The following VSTM4 variants were observed in gnomAD, a reference collection of about 807,000 sequenced individuals.
VSTM4 encodes the protein V-set and transmembrane domain-containing protein 4.
VSTM4 carries 20 observed loss-of-function variants against 36.4 expected under a neutral mutation model. That is an observed-to-expected ratio of 0.55 (90% CI 0.39 to 0.80). VSTM4 has a LOEUF of 0.80. Ranked by LOEUF, VSTM4 falls within the 30% of genes least tolerant of loss-of-function variation. The pLI is 0.00. For synonymous variants in VSTM4, 182 were observed against 173.9 expected, an observed-to-expected ratio of 1.05 and a Z score of -0.37; for missense variants, 392 against 404.5, an observed-to-expected ratio of 0.97 and a Z score of 0.26.
chr10:49,085,564 T>A (rs1844355389), intron 3 of VSTM4, among the ~76,000 whole-genome samples: 1 of 152,218 alleles, frequency 6.6e-6, no homozygotes, highest in African/African-American at 2.4e-5. Flanking sequence ...AAAAATTATG[T>A]GGACTGGTGC....
At chr10:49,099,470 A>G (rs974917701) in intron 2 of VSTM4, among the ~76,000 whole-genome samples, 1 of 152,174 alleles carries the variant, frequency 6.6e-6, no homozygotes, top group South Asian at 2.1e-4. Flanking sequence ...CATTTTCTAG[A>G]AAGTTCATTA....
At chr10:49,030,344 C>G (rs1235825074) in intron 7 of VSTM4, among the ~76,000 whole-genome samples, 1 of 152,206 alleles carries the variant, frequency 6.6e-6, no homozygotes, top group Non-Finnish European at 1.5e-5. Context: ...TGACTGCTGA[C>G]TTAGGTGTGC....
At chr10:49,057,982 A>C (rs1028419571) in intron 5 of VSTM4, among the ~76,000 whole-genome samples, 1 of 152,188 alleles carries the variant, frequency 6.6e-6, no homozygotes, top group African/African-American at 2.4e-5. Context: ...ATCTGACCCT[A>C]CAACTGATCA....
chr10:49,104,140 A>C (rs1844721402), intron 2 of VSTM4, among the ~76,000 whole-genome samples: 1 of 152,094 alleles, frequency 6.6e-6, no homozygotes, highest in South Asian at 2.1e-4. Context: ...CTCTACTAAA[A>C]ATACAAAAAT....
intron 5 of VSTM4, chr10:49,064,487 A>G: frequency 1.8e-6 from 1 of 567,876 alleles, no homozygotes; most frequent in Non-Finnish European, 3.1e-6. Flanking sequence ...CTGGGCCAGC[A>G]AAAGCTGCAT....
intron 7 of VSTM4, among the ~76,000 whole-genome samples, chr10:49,033,759 T>C (rs1843382005): frequency 6.6e-6 from 1 of 152,178 alleles, no homozygotes; most frequent in South Asian, 2.1e-4. Flanking sequence ...CTCCTCTAAC[T>C]CATCTGTGAA....
At chr10:49,036,337 G>T (rs1021529580) in intron 7 of VSTM4, among the ~76,000 whole-genome samples, 2 of 152,194 alleles carry the variant, frequency 1.3e-5, no homozygotes, top group Non-Finnish European at 2.9e-5. Context: ...TACTAGCGTG[G>T]TACAAGCAAA....
chr10:49,110,634 A>G (rs1305618236), intron 1 of VSTM4, among the ~76,000 whole-genome samples: 1 of 152,070 alleles, frequency 6.6e-6, no homozygotes, highest in Admixed American at 6.6e-5. Context: ...AATTAAATTA[A>G]AATAAAGTCA....
At chr10:49,072,721 C>T (rs371872860) in intron 4 of VSTM4, among the ~76,000 whole-genome samples, 5 of 152,294 alleles carry the variant, frequency 3.3e-5, no homozygotes, top group African/African-American at 1.2e-4. Context: ...GGTGACACCA[C>T]AGGGAGAGAA....
At chr10:49,106,602 A>G (rs568509577) in intron 2 of VSTM4, among the ~76,000 whole-genome samples, 7 of 152,300 alleles carry the variant, frequency 4.6e-5, no homozygotes, top group African/African-American at 1.7e-4. Flanking sequence ...CTAAGTTTGG[A>G]TCAGTTCCAC....
At chr10:49,103,959 T>G in intron 2 of VSTM4, 2 of 997,568 alleles carry the variant, frequency 2.0e-6, no homozygotes, top group Non-Finnish European at 3.0e-6. Flanking sequence ...TGTTTGATAT[T>G]CTAACCCAAA....
chr10:49,069,867 T>C (rs937939911), intron 4 of VSTM4, among the ~76,000 whole-genome samples: 1 of 152,146 alleles, frequency 6.6e-6, no homozygotes, highest in Admixed American at 6.5e-5. Context: ...GAGCTCCAGG[T>C]GGCTATCAAG....
intron 2 of VSTM4, chr10:49,103,924 G>A (rs1844716902): frequency 7.0e-7 from 1 of 1,419,392 alleles, no homozygotes; most frequent in African/African-American, 1.4e-5. Context: ...CTGGGGTGGG[G>A]GGCACTCAAA....
chr10:49,018,423 A>G lies in VSTM4; in HGVS notation c.*1227T>C, dbSNP rs1843132966. 1 of 152,224 alleles carries G rather than the reference A, an allele frequency of 6.6e-6. No individual in the cohort carries two copies. The highest frequency in any genetic ancestry group is 2.1e-4 in the South Asian group (1 of 4,830). The allele number at this position is 152,224 out of a possible 1,614,324, so 9.4% of individuals were successfully genotyped here. A position where few individuals can be genotyped will look rare whatever the true frequency, so the allele number is the denominator to read the frequency against. On this transcript the variant is annotated 3_prime_UTR_variant, in exon 8 of 8. Transcript: ENST00000332853. ...TAGCCAAGTTCACACAGCTATATAG[A>G]GGGCACAACTCATACCCCAGCTGTG...
intron 5 of VSTM4, among the ~76,000 whole-genome samples, chr10:49,062,268 T>C (rs1166232170): frequency 6.6e-6 from 1 of 152,192 alleles, no homozygotes; most frequent in Non-Finnish European, 1.5e-5. Context: ...GTACTCCTAT[T>C]TCTGCTCTTT....
At chr10:49,076,943 C>G (rs939099313) in intron 4 of VSTM4, among the ~76,000 whole-genome samples, 1 of 152,028 alleles carries the variant, frequency 6.6e-6, no homozygotes, top group African/African-American at 2.4e-5. Context: ...CAACCCTAGG[C>G]TCATCTGATG....
chr10:49,036,259 C>A (rs1843429584), intron 7 of VSTM4, among the ~76,000 whole-genome samples: 1 of 152,156 alleles, frequency 6.6e-6, no homozygotes, highest in Non-Finnish European at 1.5e-5. Context: ...TACATAACTC[C>A]CCGCAACAAT....
chr10:49,036,967 G>A (rs1480253660), intron 7 of VSTM4, among the ~76,000 whole-genome samples: 1 of 152,176 alleles, frequency 6.6e-6, no homozygotes, highest in African/African-American at 2.4e-5. Flanking sequence ...TAAGCTTGAG[G>A]GAATCACAGG....
intron 2 of VSTM4, among the ~76,000 whole-genome samples, chr10:49,086,373 T>C (rs1844370889): frequency 6.6e-6 from 1 of 152,228 alleles, no homozygotes; most frequent in African/African-American, 2.4e-5. Context: ...CTTTCTAAAA[T>C]GTAGTGTACT....
Sources: allele counts gnomAD v4.1 joint callset (sites outside exome capture counted in the v4.1 genomes callset), GRCh38; gene constraint gnomAD v4.1.1; transcripts MANE v1.5; gene names NCBI Gene and HGNC (gene_info 2026-07-23, HGNC 2026-07-21).